CNKSR2: variants seen among roughly 807,000 people sequenced by gnomAD.
CNKSR2 encodes the protein CNK homolog protein 2.
Under a neutral mutation model 84.4 loss-of-function variants are expected in CNKSR2, and 14 were observed. The observed-to-expected ratio is 0.17, with a 90% CI of 0.11 to 0.26. The LOEUF is 0.26. Ranked by LOEUF, CNKSR2 falls within the 10% of genes least tolerant of loss-of-function variation. CNKSR2 has a pLI of 1.00. For missense variants in CNKSR2, 485 were observed against 771.2 expected (o/e 0.63, Z 4.40); for synonymous variants, 275 against 277.9 (o/e 0.99, Z 0.10).
At chrX:21,556,366 C>G (rs1012306244) in intron 11 of CNKSR2, among the ~76,000 whole-genome samples, 2 of 111,006 alleles carry the variant, frequency 1.8e-5, no homozygotes, top group African/African-American at 6.5e-5. Flanking sequence ...TAAATACTTA[C>G]GTGACTATAA....
intron 10 of CNKSR2, among the ~76,000 whole-genome samples, chrX:21,530,824 G>T (rs761256595): frequency 9.0e-6 from 1 of 110,551 alleles, no homozygotes; most frequent in East Asian, 2.9e-4. Flanking sequence ...ATCACAAATG[G>T]ACTATTTCTA....
intron 20 of CNKSR2, among the ~76,000 whole-genome samples, chrX:21,637,803 G>A (rs1040577763): frequency 2.7e-5 from 3 of 111,686 alleles, no homozygotes; most frequent in African/African-American, 9.7e-5. Context: ...ACATTTAGAA[G>A]AAGGGGAGGC....
intron 13 of CNKSR2, among the ~76,000 whole-genome samples, chrX:21,581,695 A>C (rs1488633540): frequency 8.9e-6 from 1 of 112,177 alleles, no homozygotes; most frequent in Non-Finnish European, 1.9e-5. Flanking sequence ...CCCATACCTC[A>C]GTGTCCCACA....
At chrX:21,629,569 G>C in intron 20 of CNKSR2, among the ~76,000 whole-genome samples, 1 of 111,946 alleles carries the variant, frequency 8.9e-6, no homozygotes, top group South Asian at 3.8e-4. Flanking sequence ...GTCAGGCAAA[G>C]AGAGAGAGCT....
intron 6 of CNKSR2, chrX:21,495,350 A>C (rs1223590456): frequency 8.9e-6 from 1 of 112,039 alleles, no homozygotes; most frequent in African/African-American, 3.2e-5. Context: ...CACTTAAAAC[A>C]GTCCCTGGCA....
intron 20 of CNKSR2, among the ~76,000 whole-genome samples, chrX:21,617,569 C>T (rs1437495762): frequency 2.7e-5 from 3 of 111,621 alleles, no homozygotes; most frequent in African/African-American, 6.5e-5. Flanking sequence ...TAACTACTGT[C>T]GAAAGTTAAG....
intron 15 of CNKSR2, chrX:21,593,493 T>TA (rs1310028115): frequency 1.8e-5 from 2 of 111,682 alleles, no homozygotes; most frequent in Non-Finnish European, 3.8e-5. Flanking sequence ...GAGCTATGGA[T>TA]ATAGCACAGA....
chrX:21,574,832 T>C (rs1601968731), intron 13 of CNKSR2, among the ~76,000 whole-genome samples: 1 of 111,964 alleles, frequency 8.9e-6, no homozygotes, highest in Non-Finnish European at 1.9e-5. Flanking sequence ...TGATACATCA[T>C]TGGGATTTTT....
intron 17 of CNKSR2, among the ~76,000 whole-genome samples, chrX:21,597,906 C>A (rs186082536): frequency 9.9e-4 from 107 of 107,573 alleles, no homozygotes; most frequent in Non-Finnish European, 1.7e-3. Context: ...TTTTTCTGTT[C>A]CTCATTTAAA....
intron 8 of CNKSR2, among the ~76,000 whole-genome samples, chrX:21,514,043 TA>T (rs774796760): frequency 8.9e-6 from 1 of 111,760 alleles, no homozygotes; most frequent in Non-Finnish European, 1.9e-5. Flanking sequence ...TAACCACCAT[TA>T]ATGGTGTTTT....
Position 21,654,272 on chromosome X carries a change from T to TAAAAAAAA in CNKSR2, c.*1766_*1773dup, listed in dbSNP as rs34844138. On this transcript the variant is annotated 3_prime_UTR_variant, in exon 22 of 22. Coordinates refer to ENST00000379510, the MANE Select transcript of CNKSR2 (RefSeq NM_014927.5). Reference sequence around the variant, plus strand: ...TTAAATTTGTGGGATTTTGTATATGTAAAAAAAAAAAAAAAAAAAAAACAA... The same window carrying TAAAAAAAA: ...TTAAATTTGTGGGATTTTGTATATGTAAAAAAAAAAAAAAAAAAAAAAAAAAAAAACAA... 0.012 allele frequency: 736 copies of TAAAAAAAA among 59,125 alleles called. 3 individuals carry two copies. The highest frequency in any genetic ancestry group is 0.024 in the East Asian group (37 of 1,522). 4.9% of individuals were successfully genotyped at this position (59,125 alleles called of 1,213,427 possible).
intron 15 of CNKSR2, chrX:21,593,861 T>C (rs1009612146): frequency 2.7e-5 from 3 of 111,858 alleles, no homozygotes; most frequent in Non-Finnish European, 5.6e-5. Context: ...AGAATACTTA[T>C]ATACTGTTGG....
chrX:21,476,398 A>G (rs2091261104), intron 5 of CNKSR2, among the ~76,000 whole-genome samples: 1 of 111,563 alleles, frequency 9.0e-6, no homozygotes, highest in Non-Finnish European at 1.9e-5. Flanking sequence ...AAAAAGTATA[A>G]AAGTATGTAT....
At chrX:21,405,238 T>G (rs2090247864) in intron 1 of CNKSR2, among the ~76,000 whole-genome samples, 1 of 111,844 alleles carries the variant, frequency 8.9e-6, no homozygotes, top group Admixed American at 9.5e-5. Context: ...ATAGGTTAAT[T>G]TAGAGAAAAT....
chrX:21,542,249 G>T (rs147141494), intron 11 of CNKSR2, among the ~76,000 whole-genome samples: 240 of 112,543 alleles, frequency 2.1e-3, no homozygotes, highest in African/African-American at 7.0e-3. Context: ...GTAGTTACTA[G>T]CATTGGCTGT....
chrX:21,598,817 A>G (rs1443199421), intron 17 of CNKSR2, among the ~76,000 whole-genome samples: 1 of 112,761 alleles, frequency 8.9e-6, no homozygotes, highest in African/African-American at 3.2e-5. Context: ...TCTGTATCCC[A>G]GGTACCTGGC....
intron 13 of CNKSR2, among the ~76,000 whole-genome samples, chrX:21,581,857 A>G (rs2092355473): frequency 8.9e-6 from 1 of 112,082 alleles, no homozygotes; most frequent in African/African-American, 3.2e-5. Context: ...TCCTTCAGAA[A>G]GTGAGCCAAG....
chrX:21,579,519 C>T (rs1159836477), intron 13 of CNKSR2, among the ~76,000 whole-genome samples: 1 of 111,921 alleles, frequency 8.9e-6, no homozygotes, highest in African/African-American at 3.2e-5. Context: ...TACATCTTAG[C>T]CAAATGTTGA....
At chrX:21,542,391 T>A (rs758511900) in intron 11 of CNKSR2, among the ~76,000 whole-genome samples, 12 of 112,351 alleles carry the variant, frequency 1.1e-4, no homozygotes, top group African/African-American at 3.5e-4. Context: ...TTTGTGAGAT[T>A]TAATGGTAAG....
Sources: gnomAD v4.1 joint callset for allele counts (sites outside exome capture counted in the v4.1 genomes callset) on GRCh38, gnomAD v4.1.1 for gene constraint, MANE v1.5 for transcripts, NCBI Gene and HGNC (gene_info 2026-07-23, HGNC 2026-07-21) for gene names.